KIAA1217: variants seen among roughly 807,000 people sequenced by gnomAD.
The protein encoded by KIAA1217 is KIAA1217, also known as sickle tail protein homolog.
Under a neutral mutation model 163.9 loss-of-function variants are expected in KIAA1217, and 88 were observed. The observed-to-expected ratio is 0.54, with a 90% CI of 0.45 to 0.64. The LOEUF (loss-of-function observed/expected upper bound fraction) is 0.64. Ranked by LOEUF, KIAA1217 falls within the 30% of genes least tolerant of loss-of-function variation. KIAA1217 has a pLI of 0.00. For missense variants in KIAA1217, 2,372 were observed against 2,475.0 expected (o/e 0.96, Z 0.88); for synonymous variants, 903 against 923.1 (o/e 0.98, Z 0.39).
chr10:24,408,458 C>A (rs1331522792), intron 3 of KIAA1217, among the ~76,000 whole-genome samples: 5 of 152,114 alleles, frequency 3.3e-5, no homozygotes, highest in Non-Finnish European at 4.4e-5. Context: ...CAGGGCAACC[C>A]AAGTAGTTGT....
intron 13 of KIAA1217, among the ~76,000 whole-genome samples, chr10:24,525,473 A>G (rs1040818650): frequency 1.3e-5 from 2 of 152,194 alleles, no homozygotes; most frequent in African/African-American, 4.8e-5. Context: ...AAAACAGTCC[A>G]TGATGTTTGG....
intron 1 of KIAA1217, among the ~76,000 whole-genome samples, chr10:23,794,491 G>T (rs1232720488): frequency 1.3e-5 from 2 of 152,190 alleles, no homozygotes; most frequent in Non-Finnish European, 2.9e-5. Context: ...GCTTACAAAA[G>T]CAGAGAAAGC....
rs952234211 is a variant in KIAA1217 at position 24,547,508 on chromosome 10, A to G, written c.*1184A>G. On this transcript the variant is annotated 3_prime_UTR_variant, in exon 21 of 21. Transcript: ENST00000376454. ...TTATTATTTTTTGTACCTTGTCACT[A>G]TAACTACTTCCTAGTCAAAGAACGA... The G allele has an allele frequency of 7.9e-5, 12 of 152,426 alleles. No homozygotes were observed. Among genetic ancestry groups the G allele is most frequent in the African/African-American group, 2.9e-4 (12 of 41,462 alleles). 9.4% of individuals were successfully genotyped at this position (152,426 alleles called of 1,614,324 possible).
At chr10:24,396,586 C>T (rs985525814) in intron 3 of KIAA1217, among the ~76,000 whole-genome samples, 2 of 152,054 alleles carry the variant, frequency 1.3e-5, no homozygotes, top group African/African-American at 4.8e-5. Context: ...GGGGGAGCCT[C>T]ACTGAGAAGG....
chr10:24,046,575 C>T (rs1455197610), intron 2 of KIAA1217, among the ~76,000 whole-genome samples: 2 of 151,954 alleles, frequency 1.3e-5, no homozygotes, highest in Admixed American at 6.6e-5. Flanking sequence ...AAAGAGAGAG[C>T]GAAGGAGGAA....
intron 1 of KIAA1217, among the ~76,000 whole-genome samples, chr10:23,930,688 CAGTGTATCTGTG>C (rs1292752608): frequency 6.6e-6 from 1 of 152,094 alleles, no homozygotes; most frequent in African/African-American, 2.4e-5. Context: ...TAGACTTTTC[CAGTGTATCTGTG>C]ATTCATCAGG....
At chr10:23,973,901 G>A (rs1845428114) in intron 1 of KIAA1217, among the ~76,000 whole-genome samples, 1 of 152,054 alleles carries the variant, frequency 6.6e-6, no homozygotes, top group Non-Finnish European at 1.5e-5. Flanking sequence ...GACCAGTCCT[G>A]CATGTTCAAC....
chr10:24,346,527 C>A (rs1010011118), intron 2 of KIAA1217, among the ~76,000 whole-genome samples: 1 of 150,112 alleles, frequency 6.7e-6, no homozygotes, highest in Admixed American at 6.6e-5. Context: ...TTTATTCATT[C>A]ATCTGTCAAA....
intron 2 of KIAA1217, among the ~76,000 whole-genome samples, chr10:24,239,699 G>T (rs865928069): frequency 7.1e-6 from 1 of 141,438 alleles, no homozygotes; most frequent in Non-Finnish European, 1.5e-5. Flanking sequence ...GTGTGTGTTT[G>T]TGTGTGTGTG....
chr10:23,748,736 C>G (rs1839565948), intron 1 of KIAA1217, among the ~76,000 whole-genome samples: 1 of 152,118 alleles, frequency 6.6e-6, no homozygotes, highest in African/African-American at 2.4e-5. Context: ...TCTTCTTCCT[C>G]TTATCCACGG....
chr10:24,007,989 T>C (rs1394554922), intron 2 of KIAA1217, among the ~76,000 whole-genome samples: 2 of 152,184 alleles, frequency 1.3e-5, no homozygotes, highest in Non-Finnish European at 2.9e-5. Flanking sequence ...AACTTTAGCA[T>C]ATTCATTCAG....
intron 2 of KIAA1217, among the ~76,000 whole-genome samples, chr10:24,194,486 C>T (rs976870303): frequency 2.0e-5 from 3 of 151,282 alleles, no homozygotes; most frequent in African/African-American, 7.3e-5. Context: ...TCCACCTGAC[C>T]TCTGGCCTTT....
At chr10:24,043,610 T>C (rs184299324) in intron 2 of KIAA1217, among the ~76,000 whole-genome samples, 1 of 152,228 alleles carries the variant, frequency 6.6e-6, no homozygotes, top group African/African-American at 2.4e-5. Context: ...TTAGAAGTAT[T>C]GACAGAAGTG....
At chr10:24,018,157 G>A (rs1856174) in intron 2 of KIAA1217, among the ~76,000 whole-genome samples, 73,302 of 151,594 alleles carry the variant, frequency 0.48, 18,882 homozygotes, top group Middle Eastern at 0.63. Context: ...ATTATAAGGA[G>A]TATGTGCTCC....
intron 2 of KIAA1217, among the ~76,000 whole-genome samples, chr10:24,084,096 A>G (rs537108985): frequency 2.6e-5 from 4 of 152,298 alleles, no homozygotes; most frequent in East Asian, 1.9e-4. Flanking sequence ...ATATCCTTCA[A>G]GGTCTTTGCT....
At chr10:24,406,283 G>A (rs373386611) in intron 3 of KIAA1217, among the ~76,000 whole-genome samples, 1 of 152,118 alleles carries the variant, frequency 6.6e-6, no homozygotes, top group East Asian at 1.9e-4. Context: ...GTATTTTGAA[G>A]ATCAAAGAAA....
At chr10:24,216,470 C>T (rs2068831841) in intron 1 of KIAA1217, among the ~76,000 whole-genome samples, 1 of 152,016 alleles carries the variant, frequency 6.6e-6, no homozygotes, top group Non-Finnish European at 1.5e-5. Context: ...ATCTAGCTGT[C>T]CTGGATAACT....
intron 2 of KIAA1217, among the ~76,000 whole-genome samples, chr10:24,310,125 CAGG>C (rs1307548848): frequency 6.6e-6 from 1 of 152,060 alleles, no homozygotes; most frequent in Non-Finnish European, 1.5e-5. Flanking sequence ...AGATATTAAG[CAGG>C]AGAAGTATTT....
intron 1 of KIAA1217, among the ~76,000 whole-genome samples, chr10:23,940,890 C>G (rs1284738320): frequency 6.6e-6 from 1 of 152,228 alleles, no homozygotes; most frequent in East Asian, 1.9e-4. Flanking sequence ...TTTACAAACT[C>G]TTTCTGACTA....
Sources: gnomAD v4.1 joint callset for allele counts (sites outside exome capture counted in the v4.1 genomes callset) on GRCh38, gnomAD v4.1.1 for gene constraint, MANE v1.5 for transcripts, NCBI Gene and HGNC (gene_info 2026-07-23, HGNC 2026-07-21) for gene names.